The following SPATA13 variants were observed in gnomAD, a reference collection of about 807,000 sequenced individuals.
SPATA13 encodes the protein spermatogenesis-associated protein 13.
SPATA13 carries 50 observed loss-of-function variants against 104.0 expected under a neutral mutation model. The ratio of observed to expected loss-of-function variants is 0.48; its 90% CI spans 0.38 to 0.61. The LOEUF (loss-of-function observed/expected upper bound fraction) is 0.61, where lower values mean the gene tolerates loss of function less well. Among genes scored for constraint, SPATA13 ranks in the 20% least tolerant of loss-of-function variants. SPATA13 has a pLI of 0.00. For missense variants in SPATA13, 1,524 were observed against 1,690.6 expected, an observed-to-expected ratio of 0.90 and a Z score of 1.73; for synonymous variants, 606 against 667.5, an observed-to-expected ratio of 0.91 and a Z score of 1.42.
chr13:24,036,024 A>G (rs796381014), intron 3 of SPATA13, among the ~76,000 whole-genome samples: 35,300 of 150,902 alleles, frequency 0.23, 4,461 homozygotes, highest in Admixed American at 0.28. Context: ...AAAAAAAAAA[A>G]AAAAAAAAAG....
chr13:24,250,020 C>A (rs1017194336), intron 3 of SPATA13, among the ~76,000 whole-genome samples, 178 bp downstream of exon 3: 2 of 152,316 alleles, frequency 1.3e-5, no homozygotes, highest in Admixed American at 1.3e-4. Flanking sequence ...AAACTAACCA[C>A]CTGACGTTTG....
At chr13:24,171,733 C>T (rs570847901) in intron 1 of SPATA13, among the ~76,000 whole-genome samples, 1 of 152,274 alleles carries the variant, frequency 6.6e-6, no homozygotes, top group South Asian at 2.1e-4. Context: ...CATACCCAAA[C>T]CTGGTGATTG....
chr13:24,283,182 TC>T (rs1875678215), intron 4 of SPATA13, among the ~76,000 whole-genome samples: 1 of 152,182 alleles, frequency 6.6e-6, no homozygotes, highest in African/African-American at 2.4e-5. Flanking sequence ...CTGGGGAGGA[TC>T]CCTTCCTCTT....
intron 8 of SPATA13, 66 bp downstream of exon 8, chr13:24,289,244 GA>G: frequency 1.6e-6 from 2 of 1,289,858 alleles, no homozygotes; most frequent in Non-Finnish European, 2.2e-6. Context: ...CATCTCCACA[GA>G]AAACAGGAGT....
In SPATA13 at chr13:24,126,644, G is replaced by C. The variant is rs112323997; in HGVS notation, c.-111-96175G>C. ...TGAATATGGCTCACTGCAGCCTAGA[G>C]CTCCTGGGCTCAAGGGATCATCCCA... On this transcript the variant is annotated intron_variant, in intron 3 of 14. Coordinates refer to the SPATA13 transcript ENST00000424834. Among the ~76,000 whole-genome samples, 1,425 of 152,282 alleles carry C rather than the reference G, an allele frequency of 9.4e-3. 18 individuals carry two copies. The highest frequency in any genetic ancestry group is 0.032 in the African/African-American group (1,341 of 41,548).
intron 3 of SPATA13, among the ~76,000 whole-genome samples, chr13:24,131,624 G>A (rs1194853690): frequency 2.0e-5 from 3 of 152,182 alleles, no homozygotes; most frequent in African/African-American, 7.2e-5. Flanking sequence ...ACTTGAAGTG[G>A]AAAATATAAC....
intron 1 of SPATA13, among the ~76,000 whole-genome samples, chr13:24,184,998 A>C (rs1465431401): frequency 6.6e-6 from 1 of 152,100 alleles, no homozygotes; most frequent in East Asian, 1.9e-4. Flanking sequence ...GTGCCTTTGA[A>C]AGTGGGCACT....
chr13:24,249,334 A>T, intron 2 of SPATA13, 143 bp from the exon 3 acceptor site: 1 of 1,024,746 alleles, frequency 9.8e-7, no homozygotes, highest in Non-Finnish European at 1.4e-6. Flanking sequence ...TTCATGTTCT[A>T]GTACACAAAT....
intron 4 of SPATA13, among the ~76,000 whole-genome samples, chr13:24,263,835 A>C (rs754434957): frequency 7.9e-5 from 12 of 152,222 alleles, no homozygotes; most frequent in Non-Finnish European, 1.8e-4. Flanking sequence ...ACTCGCAGCA[A>C]GTGTTTTCCT....
At chr13:24,156,049 A>G (rs926173927), upstream of SPATA13, among the ~76,000 whole-genome samples, 1 of 152,146 alleles carries the variant, frequency 6.6e-6, no homozygotes, top group African/African-American at 2.4e-5. Context: ...ATTCCATTGT[A>G]TGTATTTACT....
chr13:23,985,524 G>A (rs772037263), intron 2 of SPATA13, among the ~76,000 whole-genome samples: 7 of 152,316 alleles, frequency 4.6e-5, no homozygotes, highest in South Asian at 2.1e-4. Context: ...CCTCCAGTCC[G>A]GTGAGAGTGG....
chr13:24,005,284 T>A (rs1876171171), intron 2 of SPATA13, among the ~76,000 whole-genome samples: 2 of 152,250 alleles, frequency 1.3e-5, no homozygotes, highest in Admixed American at 1.3e-4. Context: ...TTGCTAAATC[T>A]GGATAGATTA....
chr13:24,040,397 G>A (rs867968331), intron 3 of SPATA13, among the ~76,000 whole-genome samples: 2 of 152,308 alleles, frequency 1.3e-5, no homozygotes, highest in Middle Eastern at 3.4e-3. Context: ...CTGTCTATAT[G>A]TTTTTAAGAG....
intron 2 of SPATA13, among the ~76,000 whole-genome samples, chr13:24,249,170 A>G (rs137875212): frequency 2.0e-5 from 3 of 152,200 alleles, no homozygotes; most frequent in Non-Finnish European, 4.4e-5. Flanking sequence ...GCATCCGGCC[A>G]GTGCTGATTT....
intron 2 of SPATA13, among the ~76,000 whole-genome samples, chr13:24,226,677 C>T (rs929400598): frequency 6.6e-6 from 1 of 152,196 alleles, no homozygotes; most frequent in African/African-American, 2.4e-5. Flanking sequence ...GCAAATGCTC[C>T]TTCCCACCCA....
rs116329185 is a variant in SPATA13, at chr13:24,167,521, G to T, written c.-112+6589G>T. On this transcript the variant is annotated intron_variant, in intron 1 of 12. Coordinates refer to ENST00000382108, the MANE Select transcript of SPATA13 (RefSeq NM_001166271.3). ...GCACCATTTTCCTCACCTCTCAACA[G>T]TACAAGCTTGAATTCTGAACAGCCA... Among the ~76,000 whole-genome samples the T allele has an allele frequency of 3.8e-3, 579 of 152,346 alleles. 4 individuals carry two copies. The highest frequency in any genetic ancestry group is 0.013 in the African/African-American group (551 of 41,570).
intron 3 of SPATA13, among the ~76,000 whole-genome samples, chr13:24,023,701 G>A (rs764614386): frequency 9.9e-5 from 15 of 152,136 alleles, no homozygotes; most frequent in Non-Finnish European, 1.9e-4. Context: ...GTGAGAACCC[G>A]ATCTGACATT....
At chr13:23,992,680 C>T (rs931960122) in intron 2 of SPATA13, among the ~76,000 whole-genome samples, 27 of 152,136 alleles carry the variant, frequency 1.8e-4, no homozygotes, top group African/African-American at 6.5e-4. Context: ...TGTGCTACAG[C>T]CCCTCCCTGA....
At chr13:24,016,707 A>G (rs1405790862) in intron 2 of SPATA13, among the ~76,000 whole-genome samples, 3 of 152,170 alleles carry the variant, frequency 2.0e-5, no homozygotes, top group African/African-American at 7.2e-5. Context: ...CTCTTCCAGA[A>G]GTTTCATTGT....
Sources: gnomAD v4.1 joint callset for allele counts (sites outside exome capture counted in the v4.1 genomes callset) on GRCh38, gnomAD v4.1.1 for gene constraint, MANE v1.5 for transcripts, NCBI Gene and HGNC (gene_info 2026-07-23, HGNC 2026-07-21) for gene names.